LPGAT1: variants seen among roughly 807,000 people sequenced by gnomAD.
The protein encoded by LPGAT1 is lysophosphatidylglycerol acyltransferase 1.
In LPGAT1, 11 loss-of-function variants were observed where a neutral mutation model predicts 47.5. That is an observed-to-expected ratio of 0.23 (90% CI 0.15 to 0.38). LPGAT1 has a LOEUF of 0.38. Among genes scored for constraint, LPGAT1 ranks in the 10% least tolerant of loss-of-function variants. LPGAT1 has a pLI of 1.00. For missense variants in LPGAT1, 293 were observed against 439.0 expected, an observed-to-expected ratio of 0.67 and a Z score of 2.97; for synonymous variants, 138 against 144.2, an observed-to-expected ratio of 0.96 and a Z score of 0.31.
rs995145294 is a variant in LPGAT1, at chr1:211,746,157, T to C, written c.*3742A>G. ...TTCAGAAGAGTCTTTAAGGAAGTGA[T>C]TGTCAAAAAACACTCAGACAAATCC... On this transcript the variant is annotated 3_prime_UTR_variant, in exon 8 of 8. Coordinates refer to ENST00000366997, the MANE Select transcript of LPGAT1 (RefSeq NM_014873.3). 3.3e-5 allele frequency: 5 copies of C among 152,628 alleles called. No individual in the cohort carries two copies. The highest frequency in any genetic ancestry group is 9.7e-5 in the African/African-American group (4 of 41,442). The allele number at this position is 152,628 out of a possible 1,614,324, so 9.5% of individuals were successfully genotyped here.
Position 211,830,744 on chromosome 1 carries a change from C to T in LPGAT1, c.-199G>A. 2.6e-6 allele frequency: 3 copies of T among 1,167,388 alleles called. No individual in the cohort carries two copies. The highest frequency in any genetic ancestry group is 3.2e-6 in the Non-Finnish European group (3 of 946,750). 72.3% of individuals were successfully genotyped at this position (1,167,388 alleles called of 1,614,324 possible). A position where few individuals can be genotyped will look rare whatever the true frequency, so the allele number is the denominator to read the frequency against. ...CGCCGAGACTCGGTCCCCAAGGGCC[C>T]GGCCGCGTTCGCCCGGACTGGCGGG... On this transcript the variant is annotated 5_prime_UTR_variant, in exon 1 of 8. Coordinates refer to ENST00000366997, the MANE Select transcript of LPGAT1 (RefSeq NM_014873.3). The surrounding 1 kb of genome is among the most constrained non-coding windows in gnomAD (Gnocchi z 5.9).
intron 2 of LPGAT1, among the ~76,000 whole-genome samples, chr1:211,808,429 G>A (rs1008018850): frequency 6.6e-6 from 1 of 151,100 alleles, no homozygotes; most frequent in Non-Finnish European, 1.5e-5. Context: ...AAAAGACTTG[G>A]ACACTTCACC....
intron 3 of LPGAT1, among the ~76,000 whole-genome samples, chr1:211,791,931 A>G (rs1659137019): frequency 6.6e-6 from 1 of 151,582 alleles, no homozygotes; most frequent in Admixed American, 6.6e-5. Context: ...ATGAACTTCC[A>G]TTAGGTCACA....
intron 2 of LPGAT1, among the ~76,000 whole-genome samples, chr1:211,804,135 C>T (rs1165362707): frequency 6.6e-6 from 1 of 152,116 alleles, no homozygotes; most frequent in Non-Finnish European, 1.5e-5. Context: ...TGCAGTGGCA[C>T]AATCAAAGCT....
intron 4 of LPGAT1, among the ~76,000 whole-genome samples, chr1:211,783,875 T>C (rs574051881): frequency 6.6e-6 from 1 of 152,152 alleles, no homozygotes; most frequent in Non-Finnish European, 1.5e-5. Flanking sequence ...TTTGGGAAGA[T>C]GGTAAATGTG....
intron 2 of LPGAT1, among the ~76,000 whole-genome samples, chr1:211,811,942 C>G (rs1571758650): frequency 6.6e-6 from 1 of 152,318 alleles, no homozygotes; most frequent in East Asian, 1.9e-4. Flanking sequence ...TTAGAGCAGC[C>G]CTTCACTCAA....
chr1:211,830,194 C>G lies in LPGAT1; in HGVS notation c.-28+379G>C. ...CGCGCCGGGCTCACCTCGGCGGGCG[C>G]GGACGGCGGGCGGCTGCGGAGAGCG... On this transcript the variant is annotated intron_variant, in intron 1 of 7. Coordinates refer to ENST00000366997, the MANE Select transcript of LPGAT1 (RefSeq NM_014873.3). The surrounding 1 kb of genome is among the most constrained non-coding windows in gnomAD (Gnocchi z 5.9). 1.0e-6 allele frequency: 1 copy of G among 983,198 alleles called. No individual in the cohort carries two copies. Among genetic ancestry groups the G allele is most frequent in the Non-Finnish European group, 1.2e-6 (1 of 829,296 alleles). 60.9% of individuals were successfully genotyped at this position (983,198 alleles called of 1,614,324 possible). A position where few individuals can be genotyped will look rare whatever the true frequency, so the allele number is the denominator to read the frequency against.
intron 3 of LPGAT1, among the ~76,000 whole-genome samples, chr1:211,791,942 C>T (rs756192448): frequency 5.3e-5 from 8 of 151,500 alleles, no homozygotes; most frequent in Non-Finnish European, 7.4e-5. Context: ...TTAGGTCACA[C>T]ATTAACTCCA....
chr1:211,798,081 C>T (rs1408653689), intron 2 of LPGAT1, among the ~76,000 whole-genome samples: 1 of 152,074 alleles, frequency 6.6e-6, no homozygotes, highest in Non-Finnish European at 1.5e-5. Context: ...CCATCAAAAA[C>T]TCCTTAACAA....
chr1:211,774,081 T>G (rs2102522838), intron 6 of LPGAT1, among the ~76,000 whole-genome samples: 1 of 150,530 alleles, frequency 6.6e-6, no homozygotes, highest in African/African-American at 2.4e-5. Context: ...TCTTTATATA[T>G]CTTAATAATG....
intron 4 of LPGAT1, among the ~76,000 whole-genome samples, chr1:211,784,864 T>A (rs985090171): frequency 6.7e-6 from 1 of 148,726 alleles, no homozygotes; most frequent in African/African-American, 2.5e-5. Flanking sequence ...AGTGCAGTGG[T>A]GCGATCTCGG....
At chr1:211,786,018 A>AT (rs1658864680) in intron 4 of LPGAT1, among the ~76,000 whole-genome samples, 1 of 152,266 alleles carries the variant, frequency 6.6e-6, no homozygotes, top group African/African-American at 2.4e-5. Flanking sequence ...AGCTTTTCGG[A>AT]TCCCTGAGAC....
At position 211,760,247 on chromosome 1, in the gene LPGAT1, G is replaced by A. The variant is rs568811118; in HGVS notation, c.855-9180C>T. Among the ~76,000 whole-genome samples, 3 of 152,158 alleles carry A rather than the reference G, an allele frequency of 2.0e-5. No homozygotes were observed. The South Asian group carries it at 6.2e-4, about 32-fold the overall frequency. ...TGCCGAGGTAGGCAGATCACCTGAG[G>A]TAGGGAGACCATCCTGGCTAACACA... On this transcript the variant is annotated intron_variant, in intron 6 of 7. Transcript: ENST00000366997.
intron 6 of LPGAT1, among the ~76,000 whole-genome samples, chr1:211,775,107 T>C (rs1658343750): frequency 6.6e-6 from 1 of 152,178 alleles, no homozygotes. Flanking sequence ...TGGAATTTAT[T>C]TGGTAGCTTG....
At chr1:211,783,205 A>T (rs752456098) in intron 5 of LPGAT1, 24 bp downstream of exon 5, 6 of 1,571,642 alleles carry the variant, frequency 3.8e-6, no homozygotes, top group Non-Finnish European at 2.6e-6. Context: ...CCAACAAGGT[A>T]AAAAATGCTA....
chr1:211,756,004 G>A (rs1431183479), intron 6 of LPGAT1, among the ~76,000 whole-genome samples: 4 of 152,146 alleles, frequency 2.6e-5, no homozygotes, highest in Non-Finnish European at 2.9e-5. Flanking sequence ...TTGGGAGGCC[G>A]AGGCAGGTGG....
At chr1:211,810,270 C>A (rs1281332886) in intron 2 of LPGAT1, among the ~76,000 whole-genome samples, 1 of 151,982 alleles carries the variant, frequency 6.6e-6, no homozygotes, top group Non-Finnish European at 1.5e-5. Context: ...CTGCAGAAGA[C>A]ATAAAAGTAT....
chr1:211,804,110 C>T (rs1359697391), intron 2 of LPGAT1, among the ~76,000 whole-genome samples: 5 of 150,822 alleles, frequency 3.3e-5, no homozygotes, highest in African/African-American at 9.8e-5. Flanking sequence ...TCTTACTCTG[C>T]TACCCAGTTT....
chr1:211,764,315 T>C (rs1657820984), intron 6 of LPGAT1, among the ~76,000 whole-genome samples: 1 of 152,204 alleles, frequency 6.6e-6, no homozygotes, highest in East Asian at 1.9e-4. Flanking sequence ...TTGCACCCAG[T>C]GTATAAATCA....
Sources: gnomAD v4.1 joint callset for allele counts (sites outside exome capture counted in the v4.1 genomes callset) on GRCh38, gnomAD v4.1.1 for gene constraint, Gnocchi (gnomAD v3.1) non-coding constraint, MANE v1.5 for transcripts, NCBI Gene and HGNC (gene_info 2026-07-23, HGNC 2026-07-21) for gene names.